The following SLC25A24 variants were observed in gnomAD, a reference collection of about 807,000 sequenced individuals.
SLC25A24 encodes solute carrier family 25 member 24, also known as mitochondrial adenyl nucleotide antiporter SLC25A24.
A neutral mutation model predicts 60.7 loss-of-function variants in SLC25A24; 49 were observed. That is an observed-to-expected ratio of 0.81 (90% CI 0.64 to 1.02). The LOEUF (loss-of-function observed/expected upper bound fraction) is 1.02. Ranked by LOEUF, SLC25A24 falls within the 50% of genes least tolerant of loss-of-function variation. SLC25A24 has a pLI of 0.00. For missense variants in SLC25A24, 564 were observed against 586.3 expected (o/e 0.96, Z 0.39); for synonymous variants, 202 against 200.6 (o/e 1.01, Z -0.06).
chr1:108,177,860 C>T (rs189754747), intron 3 of SLC25A24, among the ~76,000 whole-genome samples: 2 of 152,034 alleles, frequency 1.3e-5, no homozygotes, highest in Admixed American at 6.6e-5. Flanking sequence ...CATCAGAGCA[C>T]CTAAAGATAA....
At chr1:108,172,034 G>A (rs938119143) in intron 3 of SLC25A24, among the ~76,000 whole-genome samples, 2 of 152,140 alleles carry the variant, frequency 1.3e-5, no homozygotes, top group Non-Finnish European at 2.9e-5. Flanking sequence ...TGGAGTGAAG[G>A]GTTCCAAGCT....
intron 5 of SLC25A24, among the ~76,000 whole-genome samples, chr1:108,156,726 T>G (rs1369826929): frequency 6.6e-6 from 1 of 152,196 alleles, no homozygotes; most frequent in Non-Finnish European, 1.5e-5. Flanking sequence ...TCTTAAACCA[T>G]TCTTATTAGA....
intron 6 of SLC25A24, 69 bp downstream of exon 6, chr1:108,154,914 C>T: frequency 5.0e-6 from 6 of 1,200,020 alleles, no homozygotes; most frequent in Non-Finnish European, 6.0e-6. Flanking sequence ...AAGCATTATA[C>T]ATTAACATTT....
chr1:108,134,856 T>C lies in SLC25A24; in HGVS notation c.*1797A>G, dbSNP rs890406424. 10 of 152,120 alleles carry C rather than the reference T, an allele frequency of 6.6e-5. No individual in the cohort carries two copies. The highest frequency in any genetic ancestry group is 2.4e-4 in the African/African-American group (10 of 41,438). 9.4% of individuals were successfully genotyped at this position (152,120 alleles called of 1,614,324 possible). On this transcript the variant is annotated 3_prime_UTR_variant, in exon 10 of 10. Coordinates refer to ENST00000565488, the MANE Select transcript of SLC25A24 (RefSeq NM_013386.5). ...ACAAATATATATTTTTGATAGAAAC[T>C]GTAAGTAAATATTCAGTACTACCAG...
intron 8 of SLC25A24, among the ~76,000 whole-genome samples, chr1:108,140,399 A>G (rs925746374): frequency 5.3e-5 from 8 of 152,174 alleles, no homozygotes; most frequent in Non-Finnish European, 8.8e-5. Context: ...GAAAGGCTAA[A>G]AGGAGAAACA....
chr1:108,199,989 G>T lies in SLC25A24; in HGVS notation c.150C>A (p.Asn50Lys), dbSNP rs746621661. 6.2e-7 allele frequency: 1 copy of T among 1,611,078 alleles called. No individual in the cohort carries two copies. The highest frequency in any genetic ancestry group is 8.5e-7 in the Non-Finnish European group (1 of 1,179,126). Residue 50 changes from asparagine (N) to lysine (K), a missense_variant, in exon 1 of 10, where the codon AAC becomes AAA. Transcript: ENST00000565488. ...DIGELQEGLR[N>K]LGIPLGQDAE... ...CGTCCTGGCCCAGAGGGATGCCCAG[G>T]TTCCTGAGCCCCTCCTGCAGCTCGC...
chr1:108,150,959 G>A (rs566951991), intron 6 of SLC25A24, among the ~76,000 whole-genome samples: 1 of 88,938 alleles, frequency 1.1e-5, no homozygotes, highest in Admixed American at 1.0e-4. Context: ...CCAGCATTTC[G>A]GGAGGCTGAG....
intron 7 of SLC25A24, among the ~76,000 whole-genome samples, chr1:108,145,040 CCCA>C (rs1277127100): frequency 3.3e-5 from 5 of 152,150 alleles, no homozygotes; most frequent in Admixed American, 2.0e-4. Context: ...AATTTACACT[CCCA>C]CCAACAGTGT....
chr1:108,177,326 AAGAC>A (rs1291806275), intron 3 of SLC25A24, among the ~76,000 whole-genome samples: 1 of 152,176 alleles, frequency 6.6e-6, no homozygotes, highest in Non-Finnish European at 1.5e-5. Flanking sequence ...CCACAAAAAA[AAGAC>A]AGCAAGAGAG....
intron 3 of SLC25A24, among the ~76,000 whole-genome samples, chr1:108,170,655 T>A (rs905114244): frequency 1.3e-5 from 2 of 152,002 alleles, no homozygotes; most frequent in African/African-American, 4.8e-5. Context: ...TAAAATGTAG[T>A]GACACTCTAT....
At chr1:108,195,303 G>C (rs1648460691) in intron 1 of SLC25A24, among the ~76,000 whole-genome samples, 1 of 152,170 alleles carries the variant, frequency 6.6e-6, no homozygotes, top group Non-Finnish European at 1.5e-5. Context: ...AGAAATCTCA[G>C]GCAGAGAGAA....
intron 3 of SLC25A24, 71 bp downstream of exon 3, chr1:108,181,870 C>T: frequency 1.7e-6 from 2 of 1,149,242 alleles, no homozygotes; most frequent in Admixed American, 1.9e-5. Flanking sequence ...TAAAGCCACA[C>T]TTACAAACAC....
chr1:108,182,047 G>T lies in SLC25A24; in HGVS notation c.311-19C>A. On this transcript the variant is annotated intron_variant, in intron 2 of 9. Transcript: ENST00000565488. ...ATTTTTCCTTTAAAAAAATAAAAAG[G>T]GCAAAAAATAAAACTCAGAACTGGT... 1 of 1,484,132 alleles carries T rather than the reference G, an allele frequency of 6.7e-7. No individual in the cohort carries two copies. The highest frequency in any genetic ancestry group is 1.7e-5 in the Admixed American group (1 of 58,450). 91.9% of individuals were successfully genotyped at this position (1,484,132 alleles called of 1,614,324 possible). A position where few individuals can be genotyped will look rare whatever the true frequency, so the allele number is the denominator to read the frequency against.
intron 1 of SLC25A24, among the ~76,000 whole-genome samples, chr1:108,187,927 G>GATAGATAGATAGATAGATATAT: frequency 6.3e-5 from 6 of 95,740 alleles, no homozygotes; most frequent in South Asian, 3.2e-4. Context: ...AGACATTATA[G>GATAGATAGATAGATAGATATAT]ATATATATAT....
At position 108,139,208 on chromosome 1, in the gene SLC25A24, G is replaced by T; in HGVS notation, c.1099C>A (p.Leu367Ile). The change falls in exon 9 of 10, where the codon CTC becomes ATC. Residue 367 changes from leucine (L) to isoleucine (I), a missense_variant and splice_region_variant. Physicochemically the swap from Leu to Ile is conservative, Grantham distance 5 (BLOSUM62 2). Transcript: ENST00000565488. ...TTATCCAGCCAATAGGACTTCAAGAGCTGCCAGAGAAATAAAGAAGAAAAT... is the reference window on the plus strand; with the variant it reads ...TTATCCAGCCAATAGGACTTCAAGATCTGCCAGAGAAATAAAGAAGAAAAT... ...YAGIDLAVYE[L>I]LKSYWLDNFA... 6.3e-7 allele frequency: 1 copy of T among 1,582,420 alleles called. No homozygotes were observed. Among genetic ancestry groups the T allele is most frequent in the African/African-American group, 1.4e-5 (1 of 73,158 alleles).
At chr1:108,139,237 T>C in intron 8 of SLC25A24, 29 bp from the exon 9 acceptor site, 1 of 1,568,504 alleles carries the variant, frequency 6.4e-7, no homozygotes, top group Non-Finnish European at 8.6e-7. Context: ...AGAAAATAAT[T>C]AACGAACTCT....
At chr1:108,143,505 A>T in intron 8 of SLC25A24, 38 bp downstream of exon 8, 1 of 1,561,186 alleles carries the variant, frequency 6.4e-7, no homozygotes, top group Non-Finnish European at 8.7e-7. Flanking sequence ...ACAAGATCTA[A>T]CTGCATTTTC....
intron 2 of SLC25A24, among the ~76,000 whole-genome samples, chr1:108,183,848 A>G (rs1648024029): frequency 6.6e-6 from 1 of 152,228 alleles, no homozygotes; most frequent in Non-Finnish European, 1.5e-5. Flanking sequence ...TCTACTAGCT[A>G]GGAATGTACA....
At chr1:108,183,930 A>G (rs1356874003) in intron 2 of SLC25A24, among the ~76,000 whole-genome samples, 1 of 152,098 alleles carries the variant, frequency 6.6e-6, no homozygotes, top group Non-Finnish European at 1.5e-5. Context: ...GTGAGTATAT[A>G]TTTTGGGGTT....
Sources: gnomAD v4.1 joint callset for allele counts (sites outside exome capture counted in the v4.1 genomes callset) on GRCh38, gnomAD v4.1.1 for gene constraint, MANE v1.5 for transcripts, NCBI Gene and HGNC (gene_info 2026-07-23, HGNC 2026-07-21) for gene names.